Variants in KIF6 observed in about 807,000 individuals in gnomAD.
KIF6 encodes the protein kinesin family member 6.
KIF6 carries 106 observed loss-of-function variants against 112.7 expected under a neutral mutation model. The observed-to-expected ratio is 0.94, with a 90% confidence interval of 0.80 to 1.11. The LOEUF (loss-of-function observed/expected upper bound fraction) is 1.11. Ranked by LOEUF, KIF6 falls within the 50% of genes least tolerant of loss-of-function variation. The pLI, the probability that KIF6 is intolerant of heterozygous loss-of-function variation, is 0.00. For synonymous variants in KIF6, 339 were observed against 339.9 expected (o/e 1.00, Z 0.03); for missense variants, 929 against 964.0 (o/e 0.96, Z 0.48).
Position 39,599,172 on chromosome 6 carries a change from A to G in KIF6, c.640-2912T>C, listed in dbSNP as rs1782445900. 2.6e-5 allele frequency among the ~76,000 whole-genome samples: 4 copies of G among 152,332 alleles called. No homozygotes were observed. In the South Asian group the frequency reaches 8.3e-4, roughly 32 times the overall value. The stretch of plus-strand genomic sequence containing the variant: ...ATTTTTTGGAACAAGAAAGAAATTA[A>G]TCTGATTCAAGATACAAGTGACAAG... On this transcript the variant is annotated intron_variant, in intron 6 of 22. Transcript: ENST00000287152.
intron 15 of KIF6, among the ~76,000 whole-genome samples, chr6:39,408,197 G>T (rs1012021467): frequency 1.3e-5 from 2 of 152,142 alleles, no homozygotes; most frequent in African/African-American, 2.4e-5. Context: ...TCTCCAAATG[G>T]CAAAAACTAA....
Position 39,721,809 on chromosome 6 carries a change from G to GTTT in KIF6, c.67-1001_67-999dup, listed in dbSNP as rs5875678. 2.8e-5 allele frequency among the ~76,000 whole-genome samples: 4 copies of GTTT among 141,734 alleles called. No homozygotes were observed. The East Asian group carries it at 6.1e-4, about 22-fold the overall frequency. 93.0% of individuals were successfully genotyped at this position (141,734 alleles called of 152,430 possible). A position where few individuals can be genotyped will look rare whatever the true frequency, so the allele number is the denominator to read the frequency against. On this transcript the variant is annotated intron_variant, in intron 1 of 22. Transcript: ENST00000287152. ...AAAAAAAAAGTCATTAGATTTAAAG[G>GTTT]TTTTTTTTTTTTTTTTAAAGGCTTC...
chr6:39,420,069 A>G, intron 14 of KIF6, 66 bp from the exon 15 acceptor site: 2 of 1,141,478 alleles, frequency 1.8e-6, no homozygotes, highest in Non-Finnish European at 2.6e-6. Flanking sequence ...TAAAAATAAT[A>G]GATTTCTTAG....
chr6:39,452,019 G>A lies in KIF6; in HGVS notation c.1646-20858C>T, dbSNP rs537741003. ...GGGCGAGCCTGCAATTCATGAGCCT[G>A]CAGATAGGCGGCATCCTCAGTTTCC... On this transcript the variant is annotated intron_variant, in intron 13 of 22. Transcript: ENST00000287152. 7.9e-5 allele frequency among the ~76,000 whole-genome samples: 12 copies of A among 152,306 alleles called. No homozygotes were observed. In the East Asian group the frequency reaches 2.1e-3, roughly 27 times the overall value.
chr6:39,357,913 T>G (rs1374767898), intron 18 of KIF6, among the ~76,000 whole-genome samples: 4 of 152,250 alleles, frequency 2.6e-5, no homozygotes, highest in African/African-American at 9.6e-5. Flanking sequence ...TCTTTATGCT[T>G]TCCTGTGCTT....
intron 16 of KIF6, among the ~76,000 whole-genome samples, chr6:39,366,386 C>T (rs1042932739): frequency 2.6e-5 from 4 of 152,156 alleles, no homozygotes; most frequent in Admixed American, 2.0e-4. Flanking sequence ...AAATGTTTAT[C>T]GAGCATTGAC....
In KIF6 at chr6:39,457,687, A is replaced by T. The variant is rs578098563; in HGVS notation, c.1646-26526T>A. 5.9e-5 allele frequency among the ~76,000 whole-genome samples: 9 copies of T among 152,282 alleles called. No individual in the cohort carries two copies. The East Asian group carries it at 1.7e-3, about 29-fold the overall frequency. On this transcript the variant is annotated intron_variant, in intron 13 of 22. Coordinates refer to ENST00000287152, the MANE Select transcript of KIF6 (RefSeq NM_145027.6). ...GACACGATAAAAAATGATAAAGGGGATATCACCACCGATCCCACAGAAATA... is the reference window on the plus strand; with the variant it reads ...GACACGATAAAAAATGATAAAGGGGTTATCACCACCGATCCCACAGAAATA...
intron 6 of KIF6, among the ~76,000 whole-genome samples, chr6:39,607,718 G>A (rs925356168): frequency 9.9e-5 from 15 of 152,140 alleles, no homozygotes; most frequent in Middle Eastern, 3.4e-3. Flanking sequence ...GAGCCACTGC[G>A]CCCTGCTAAA....
chr6:39,337,369 G>A (rs1345662554), intron 22 of KIF6, among the ~76,000 whole-genome samples: 2 of 149,142 alleles, frequency 1.3e-5, no homozygotes, highest in Non-Finnish European at 3.0e-5. Context: ...CTGGAGTGCA[G>A]TGGCACAATC....
At chr6:39,552,233 C>T (rs1286871098) in intron 10 of KIF6, among the ~76,000 whole-genome samples, 1 of 152,198 alleles carries the variant, frequency 6.6e-6, no homozygotes, top group African/African-American at 2.4e-5. Flanking sequence ...GAGCACTCTG[C>T]TAGTGACTTT....
At chr6:39,394,119 A>G (rs1362479438) in intron 15 of KIF6, among the ~76,000 whole-genome samples, 1 of 152,182 alleles carries the variant, frequency 6.6e-6, no homozygotes, top group African/African-American at 2.4e-5. Context: ...CTACAATGCT[A>G]TGACAGGTTA....
intron 10 of KIF6, among the ~76,000 whole-genome samples, chr6:39,563,825 G>A (rs914821880): frequency 6.6e-6 from 1 of 152,168 alleles, no homozygotes; most frequent in Non-Finnish European, 1.5e-5. Context: ...CTGTGTAAGA[G>A]CTCATTATAC....
At position 39,613,215 on chromosome 6, in the gene KIF6, C is replaced by A; in HGVS notation, c.613G>T (p.Gly205Ter). ...EEEALNLLFLGDTNRMIAETP... is the reference protein window; with the variant it reads ...EEEALNLLFL ...TCTGCAATCATTCGGTTGGTGTCTC[C>A]TAAAAAAAGCAAATTCAGAGCTTCT... Residue 205 changes from glycine to a stop codon, truncating the protein, a stop_gained, in exon 6 of 23, where the codon GGA becomes TGA. Coordinates refer to ENST00000287152, the MANE Select transcript of KIF6 (RefSeq NM_145027.6). LOFTEE classifies it high-confidence loss of function. 1 of 1,600,660 alleles carries A rather than the reference C, an allele frequency of 6.2e-7. No homozygotes were observed. Among genetic ancestry groups the A allele is most frequent in the African/African-American group, 1.4e-5 (1 of 73,978 alleles).
At chr6:39,460,364 G>A (rs1773385393) in intron 13 of KIF6, among the ~76,000 whole-genome samples, 1 of 98,498 alleles carries the variant, frequency 1.0e-5, no homozygotes, top group Non-Finnish European at 2.0e-5. Context: ...TCACACTCCG[G>A]GGACTGTGGT....
chr6:39,475,425 A>G (rs1774370195), intron 13 of KIF6, among the ~76,000 whole-genome samples: 1 of 152,230 alleles, frequency 6.6e-6, no homozygotes. Flanking sequence ...TGCTTATTTT[A>G]AACAGCTTAT....
intron 19 of KIF6, among the ~76,000 whole-genome samples, chr6:39,349,349 C>T (rs755203310): frequency 2.0e-4 from 31 of 151,976 alleles, no homozygotes; most frequent in Admixed American, 3.3e-4. Context: ...GAGATGCCGG[C>T]GGATAAAGGC....
At chr6:39,681,491 A>G (rs1787509708) in intron 3 of KIF6, among the ~76,000 whole-genome samples, 1 of 152,166 alleles carries the variant, frequency 6.6e-6, no homozygotes, top group Non-Finnish European at 1.5e-5. Context: ...AAAACTCTAG[A>G]ATCTTTTCTT....
At chr6:39,567,902 T>C (rs6935113) in intron 10 of KIF6, among the ~76,000 whole-genome samples, 79,469 of 152,108 alleles carry the variant, frequency 0.52, 23,360 homozygotes, top group African/African-American at 0.8. Flanking sequence ...CCACTGAGCC[T>C]GGCCTGGGAC....
chr6:39,431,733 G>A (rs940973469), intron 13 of KIF6, among the ~76,000 whole-genome samples: 6 of 152,090 alleles, frequency 3.9e-5, no homozygotes, highest in African/African-American at 9.7e-5. Context: ...GGGGTCCCTA[G>A]GTCATCTCTA....
Sources: gnomAD v4.1 joint callset for allele counts (sites outside exome capture counted in the v4.1 genomes callset) on GRCh38, gnomAD v4.1.1 for gene constraint, MANE v1.5 for transcripts, NCBI Gene and HGNC (gene_info 2026-07-23, HGNC 2026-07-21) for gene names.